Variants in ASAH2 observed in about 807,000 individuals in gnomAD.
ASAH2 encodes neutral ceramidase.
Under a neutral mutation model 82.9 loss-of-function variants are expected in ASAH2, and 58 were observed. That is an observed-to-expected ratio of 0.70 (90% CI 0.57 to 0.87). ASAH2 has a LOEUF of 0.87. ASAH2 is among the 40% of genes least tolerant of loss of function. The probability of loss-of-function intolerance (pLI) is 0.00; values close to 1 mark genes in which losing one functional copy is unlikely to be tolerated. For synonymous variants in ASAH2, 276 were observed against 289.7 expected (o/e 0.95, Z 0.48); for missense variants, 779 against 834.0 (o/e 0.93, Z 0.81).
At chr10:50,203,581 T>TCCTAAGGTGAAGAGGG (rs1224226418) in intron 15 of ASAH2, 59 bp downstream of exon 15, 2 of 1,345,072 alleles carry the variant, frequency 1.5e-6, no homozygotes, top group Non-Finnish European at 2.1e-6. Flanking sequence ...AGGGATAGGA[T>TCCTAAGGTGAAGAGGG]ATACTTTCCT....
rs1846419767 is a variant in ASAH2 at position 50,245,304 on chromosome 10, G to C, written c.278C>G (p.Ser93Cys). The C allele has an allele frequency of 6.2e-7, 1 of 1,614,066 alleles. No homozygotes were observed. Among genetic ancestry groups the C allele is most frequent in the Non-Finnish European group, 8.5e-7 (1 of 1,180,002 alleles). Reference sequence around the variant, plus strand: ...GCCACTGAAGTTCTGAAATAGAGGAGACTCTGGGGTTAAAGGCACTGGAGA... The same window carrying C: ...GCCACTGAAGTTCTGAAATAGAGGACACTCTGGGGTTAAAGGCACTGGAGA... ...QTSPVPLTPESPLFQNFSGYH... is the reference protein window; with the variant it reads ...QTSPVPLTPECPLFQNFSGYH... Residue 93 changes from serine to cysteine, a missense_variant, in exon 3 of 21, where the codon TCT becomes TGT. Physicochemically the swap from Ser to Cys is moderately radical, Grantham distance 112. Coordinates refer to ENST00000682911, the MANE Select transcript of ASAH2 (RefSeq NM_019893.4).
chr10:50,218,515 C>T lies in ASAH2; in HGVS notation c.1009G>A (p.Gly337Arg). 1.9e-6 allele frequency: 3 copies of T among 1,613,622 alleles called. No homozygotes were observed. The highest frequency in any genetic ancestry group is 1.1e-5 in the South Asian group (1 of 91,078). ...EQEKNKGYLP[G>R]QGPFVAAFAS... is the part of the protein sequence containing the mutation. ...TCAATGATATAAATTCTCACCTGTC[C>T]AGGTAGATATCCTTTGTTCTTCTCT... Residue 337 changes from glycine to arginine, a missense_variant, in exon 8 of 21, where the codon GGA (glycine) becomes AGA (arginine). Transcript: ENST00000682911.
chr10:50,233,149 C>T, intron 7 of ASAH2, 35 bp downstream of exon 7: 1 of 1,430,836 alleles, frequency 7.0e-7, no homozygotes, highest in South Asian at 1.1e-5. Context: ...GAAAAGCTAC[C>T]CGACAGAATT....
At chr10:50,247,364 CACGT>C (rs1245939512) in intron 2 of ASAH2, among the ~76,000 whole-genome samples, 7 of 151,632 alleles carry the variant, frequency 4.6e-5, no homozygotes, top group African/African-American at 1.7e-4. Flanking sequence ...AGGGTTTTGC[CACGT>C]TGGCCAGGCT....
rs986565754 is a variant in ASAH2 at position 50,233,907 on chromosome 10, T to C, written c.815+518A>G. Reference sequence around the variant, plus strand: ...TTCCATTCAAATATGTGGGTTTATTTCTTACTCTTCTGTCCATATTCTTTA... The same window carrying C: ...TTCCATTCAAATATGTGGGTTTATTCCTTACTCTTCTGTCCATATTCTTTA... On this transcript the variant is annotated intron_variant, in intron 6 of 20. Coordinates refer to ENST00000682911, the MANE Select transcript of ASAH2 (RefSeq NM_019893.4). Among the ~76,000 whole-genome samples the C allele has an allele frequency of 1.5e-3, 228 of 152,256 alleles. 1 individual carries two copies. Among genetic ancestry groups the C allele is most frequent in the Non-Finnish European group, 2.5e-3 (173 of 68,002 alleles).
At chr10:50,243,124 A>G in intron 4 of ASAH2, 78 bp downstream of exon 4, 4 of 1,520,024 alleles carry the variant, frequency 2.6e-6, no homozygotes, top group African/African-American at 1.4e-5. Flanking sequence ...ACCAAGAGGA[A>G]TTATTTCCTG....
intron 12 of ASAH2, among the ~76,000 whole-genome samples, chr10:50,208,267 T>C (rs2842098): frequency 0.77 from 116,193 of 151,862 alleles, 46,324 homozygotes; most frequent in Non-Finnish European, 0.88. Context: ...ACACTCTTTT[T>C]ACTTTTATTC....
In ASAH2 at chr10:50,248,621, G is replaced by A. The variant is rs768029145; in HGVS notation, c.-11C>T. 127 of 1,610,468 alleles carry A rather than the reference G, an allele frequency of 7.9e-5. No individual in the cohort carries two copies. The highest frequency in any genetic ancestry group is 9.9e-5 in the Non-Finnish European group (117 of 1,178,416). ...GGTGCGTTTGGCCATTTCTTCTCAG[G>A]TACAGCAGAGATGGAAGAAGAAATA... On this transcript the variant is annotated 5_prime_UTR_variant, in exon 2 of 21. Coordinates refer to ENST00000682911, the MANE Select transcript of ASAH2 (RefSeq NM_019893.4).
chr10:50,235,379 C>T (rs1846131235), intron 5 of ASAH2, among the ~76,000 whole-genome samples: 1 of 152,046 alleles, frequency 6.6e-6, no homozygotes, highest in African/African-American at 2.4e-5. Context: ...GTATAAGCTA[C>T]TGAAACCAGA....
chr10:50,199,186 A>G, intron 16 of ASAH2, 40 bp from the exon 17 acceptor site: 1 of 1,605,004 alleles, frequency 6.2e-7, no homozygotes, highest in African/African-American at 1.3e-5. Flanking sequence ...GGTTCTGCTT[A>G]TTTAAATCCA....
At chr10:50,237,430 C>T (rs1846190120) in intron 4 of ASAH2, among the ~76,000 whole-genome samples, 1 of 152,214 alleles carries the variant, frequency 6.6e-6, no homozygotes, top group South Asian at 2.1e-4. Context: ...CACATCATGA[C>T]ACAGAAGTGA....
Position 50,210,855 on chromosome 10 carries a change from A to G in ASAH2, c.1382T>C (p.Ile461Thr), listed in dbSNP as rs1845435218. 2 of 1,613,702 alleles carry G rather than the reference A, an allele frequency of 1.2e-6. No individual in the cohort carries two copies. The highest frequency in any genetic ancestry group is 2.2e-5 in the South Asian group (2 of 91,068). Residue 461 changes from isoleucine (I) to threonine (T), a missense_variant, in exon 12 of 21, where the codon ATT becomes ACT. Ile to Thr is a moderately conservative substitution (Grantham distance 89, BLOSUM62 -1). Coordinates refer to ENST00000682911, the MANE Select transcript of ASAH2 (RefSeq NM_019893.4). ...ALGYSFAAGT[I>T]DGVGGLNFTQ... ...AAAATTGAGGCCTCCAACTCCATCA[A>G]TAGTGCCAGCTGCAAAACTGTAGCC...
chr10:50,242,320 T>C (rs951894893), intron 4 of ASAH2, among the ~76,000 whole-genome samples: 1 of 152,192 alleles, frequency 6.6e-6, no homozygotes, highest in African/African-American at 2.4e-5. Context: ...GTTAAAGTGA[T>C]GCTTTTAGGC....
At chr10:50,247,585 A>G (rs1332433349) in intron 2 of ASAH2, among the ~76,000 whole-genome samples, 1 of 152,174 alleles carries the variant, frequency 6.6e-6, no homozygotes, top group East Asian at 1.9e-4. Context: ...GCCCTGGGAC[A>G]TAGTAGAGAA....
At chr10:50,230,681 G>A (rs1468685202) in intron 7 of ASAH2, among the ~76,000 whole-genome samples, 1 of 152,104 alleles carries the variant, frequency 6.6e-6, no homozygotes, top group African/African-American at 2.4e-5. Flanking sequence ...ACAATTGCAT[G>A]TATGGAAGCA....
At chr10:50,206,726 G>T (rs1845309531) in intron 12 of ASAH2, among the ~76,000 whole-genome samples, 1 of 151,816 alleles carries the variant, frequency 6.6e-6, no homozygotes, top group African/African-American at 2.4e-5. Context: ...AAAACTCACA[G>T]AAATGAAGAA....
chr10:50,210,795 C>A (rs1298688563), intron 12 of ASAH2, 28 bp downstream of exon 12: 1 of 1,534,790 alleles, frequency 6.5e-7, no homozygotes. Flanking sequence ...GAAGCTGAAA[C>A]CATAGATTTT....
chr10:50,238,355 C>A (rs1050473783), intron 4 of ASAH2, among the ~76,000 whole-genome samples: 5 of 152,164 alleles, frequency 3.3e-5, no homozygotes, highest in Non-Finnish European at 5.9e-5. Flanking sequence ...GCCTCATTAA[C>A]CTCTCCTTGT....
intron 7 of ASAH2, among the ~76,000 whole-genome samples, chr10:50,222,234 A>G (rs989313709): frequency 2.6e-5 from 4 of 152,304 alleles, no homozygotes; most frequent in Admixed American, 2.6e-4. Flanking sequence ...GTAACTATGG[A>G]GAAAGCATGT....
Sources: gnomAD v4.1 joint callset for allele counts (sites outside exome capture counted in the v4.1 genomes callset) on GRCh38, gnomAD v4.1.1 for gene constraint, MANE v1.5 for transcripts, NCBI Gene and HGNC (gene_info 2026-07-23, HGNC 2026-07-21) for gene names.